The following ATP7A variants were observed in gnomAD, a reference collection of about 807,000 sequenced individuals.
ATP7A encodes the protein ATPase copper transporting alpha.
Under a neutral mutation model 83.5 loss-of-function variants are expected in ATP7A, and 7 were observed. The observed-to-expected ratio is 0.08, with a 90% confidence interval of 0.05 to 0.16. ATP7A has a LOEUF of 0.16. Among genes scored for constraint, ATP7A ranks in the 10% least tolerant of loss-of-function variants. ATP7A has a pLI of 1.00. For synonymous variants in ATP7A, 354 were observed against 395.2 expected (o/e 0.90, Z 1.24); for missense variants, 940 against 1,120.8 (o/e 0.84, Z 2.30).
intron 2 of ATP7A, among the ~76,000 whole-genome samples, chrX:77,982,058 A>G (rs1247723444): frequency 9.0e-6 from 1 of 111,595 alleles, no homozygotes; most frequent in African/African-American, 3.2e-5. Context: ...CCATAATGGA[A>G]TTTGTATTGA....
intron 1 of ATP7A, among the ~76,000 whole-genome samples, chrX:77,915,654 TA>T (rs1157183993): frequency 1.8e-5 from 2 of 112,190 alleles, no homozygotes; most frequent in Non-Finnish European, 3.8e-5. Flanking sequence ...TGCTGTACTA[TA>T]AATTTAGTAG....
chrX:77,932,226 G>A (rs1353143247), intron 1 of ATP7A, among the ~76,000 whole-genome samples: 54 of 110,795 alleles, frequency 4.9e-4, no homozygotes, highest in Non-Finnish European at 8.2e-4. Context: ...CCTCCCAGAC[G>A]GGGTCGCGGC....
intron 1 of ATP7A, among the ~76,000 whole-genome samples, chrX:77,937,001 T>C (rs1557225099): frequency 8.9e-6 from 1 of 111,998 alleles, no homozygotes; most frequent in Admixed American, 9.5e-5. Flanking sequence ...AATTTAACAA[T>C]GAGGAAACAA....
chrX:77,982,303 A>G (rs1477298406), intron 2 of ATP7A, among the ~76,000 whole-genome samples: 1 of 112,024 alleles, frequency 8.9e-6, no homozygotes, highest in Admixed American at 9.5e-5. Context: ...TAAGAAAGTA[A>G]GCTTTAAACT....
rs1557234466 is a variant in ATP7A, at chrX:78,011,444, A to G, written c.1947-5A>G. On this transcript the variant is annotated splice_polypyrimidine_tract_variant and splice_region_variant and intron_variant, in intron 8 of 22. Transcript: ENST00000341514. ...ATTTTTCTTTTTTTATTTTTTCCAT[A>G]TAAGATGGAGACGGTCTTTTCTTGT... 11 of 1,205,495 alleles carry G rather than the reference A, an allele frequency of 9.1e-6. No homozygotes were observed. Among genetic ancestry groups the G allele is most frequent in the South Asian group, 1.8e-5 (1 of 56,763 alleles).
At chrX:78,025,559 A>T (rs1451701525) in intron 14 of ATP7A, among the ~76,000 whole-genome samples, 10 of 112,119 alleles carry the variant, frequency 8.9e-5, no homozygotes, top group Non-Finnish European at 1.9e-5. Flanking sequence ...TGAAAAATTC[A>T]GTAAAGAAAT....
chrX:77,972,235 A>G (rs1557229761), intron 2 of ATP7A, among the ~76,000 whole-genome samples: 1 of 111,074 alleles, frequency 9.0e-6, no homozygotes, highest in Non-Finnish European at 1.9e-5. Context: ...TCTGTCACCC[A>G]GGCTGCATTG....
rs2077855462 is a variant in ATP7A, at chrX:78,015,418, G to A, written c.2499-336G>A. ...AGACTTGATTATATTTCATTCTTTT[G>A]TATTTCTCATTTTTATACTAATAAA... On this transcript the variant is annotated intron_variant, in intron 11 of 22. Transcript: ENST00000341514. Among the ~76,000 whole-genome samples, 5 of 112,075 alleles carry A rather than the reference G, an allele frequency of 4.5e-5. No homozygotes were observed. In the Admixed American group the frequency reaches 4.8e-4, roughly 11 times the overall value.
chrX:77,926,812 C>T (rs1557223625), intron 1 of ATP7A, among the ~76,000 whole-genome samples: 1 of 110,336 alleles, frequency 9.1e-6, no homozygotes, highest in African/African-American at 3.3e-5. Context: ...AAGTGATTCT[C>T]CTGCCTCAGC....
chrX:77,924,760 C>T (rs945845620), intron 1 of ATP7A: 2 of 111,672 alleles, frequency 1.8e-5, no homozygotes, highest in Non-Finnish European at 3.8e-5. Context: ...GGCATGATCT[C>T]GGCTCACTGC....
chrX:77,991,830 T>A (rs782784661), intron 4 of ATP7A, among the ~76,000 whole-genome samples: 84 of 109,630 alleles, frequency 7.7e-4, no homozygotes, highest in African/African-American at 2.7e-3. Context: ...GAGACCAGCC[T>A]TGGTAACATG....
chrX:78,034,746 CTT>C (rs781904882), intron 17 of ATP7A, among the ~76,000 whole-genome samples: 9 of 100,162 alleles, frequency 9.0e-5, no homozygotes, highest in African/African-American at 7.2e-5. Flanking sequence ...CTGGCTGTTC[CTT>C]TTTTTTTTTT....
chrX:78,034,304 T>A (rs1486890868), intron 17 of ATP7A, among the ~76,000 whole-genome samples: 3 of 111,566 alleles, frequency 2.7e-5, no homozygotes, highest in African/African-American at 9.8e-5. Flanking sequence ...CCTCTTTCTG[T>A]TAGGTCCCCT....
chrX:77,954,258 G>T (rs2149062365), intron 1 of ATP7A, among the ~76,000 whole-genome samples: 1 of 111,779 alleles, frequency 8.9e-6, no homozygotes, highest in African/African-American at 3.2e-5. Flanking sequence ...TTCTGCCTCT[G>T]CCTCACTCTC....
chrX:77,930,831 A>C (rs1250570684), intron 1 of ATP7A, among the ~76,000 whole-genome samples: 3 of 110,716 alleles, frequency 2.7e-5, no homozygotes, highest in African/African-American at 9.9e-5. Flanking sequence ...TAGCTGTCAA[A>C]GGCAGCTCTC....
At chrX:78,007,357 G>A (rs1294347834) in intron 6 of ATP7A, among the ~76,000 whole-genome samples, 1 of 109,031 alleles carries the variant, frequency 9.2e-6, no homozygotes, top group Non-Finnish European at 1.9e-5. Flanking sequence ...ACGGAGTCTC[G>A]CTCTGTCGCC....
intron 1 of ATP7A, among the ~76,000 whole-genome samples, chrX:77,958,815 G>A (rs1557227700): frequency 1.1e-5 from 1 of 88,458 alleles, no homozygotes; most frequent in Non-Finnish European, 2.2e-5. Context: ...TGGAGACAGA[G>A]TCTCACTCTG....
At chrX:77,994,496 A>G (rs1334850896) in intron 4 of ATP7A, among the ~76,000 whole-genome samples, 1 of 111,449 alleles carries the variant, frequency 9.0e-6, no homozygotes, top group African/African-American at 3.3e-5. Flanking sequence ...GGCACCATGT[A>G]TAGCATCTAC....
At chrX:78,015,202 A>T (rs2077853424) in intron 11 of ATP7A, among the ~76,000 whole-genome samples, 1 of 111,873 alleles carries the variant, frequency 8.9e-6, no homozygotes, top group South Asian at 3.7e-4. Context: ...TTTAATCTAA[A>T]ACAGCGCCTC....
Sources: allele counts gnomAD v4.1 joint callset (sites outside exome capture counted in the v4.1 genomes callset), GRCh38; gene constraint gnomAD v4.1.1; transcripts MANE v1.5; gene names NCBI Gene and HGNC (gene_info 2026-07-23, HGNC 2026-07-21).